Variants in KIAA1217 observed in about 807,000 individuals in gnomAD.
KIAA1217 encodes KIAA1217, also known as sickle tail protein homolog.
KIAA1217 carries 88 observed loss-of-function variants against 163.9 expected under a neutral mutation model. The observed-to-expected ratio is 0.54, with a 90% CI of 0.45 to 0.64. The LOEUF (loss-of-function observed/expected upper bound fraction) is 0.64, where lower values mean the gene tolerates loss of function less well. Among genes scored for constraint, KIAA1217 ranks in the 30% least tolerant of loss-of-function variants. KIAA1217 has a pLI of 0.00. For missense variants in KIAA1217, 2,372 were observed against 2,475.0 expected (o/e 0.96, Z 0.88); for synonymous variants, 903 against 923.1 (o/e 0.98, Z 0.39).
chr10:24,076,669 G>C (rs1217736035), intron 2 of KIAA1217, among the ~76,000 whole-genome samples: 1 of 152,054 alleles, frequency 6.6e-6, no homozygotes, highest in Non-Finnish European at 1.5e-5. Context: ...CCCACAGTCA[G>C]GATTCTCTGT....
In KIAA1217 at chr10:24,066,519, G is replaced by A. The variant is rs1473559661; in HGVS notation, c.-171+59145G>A. On this transcript the variant is annotated intron_variant, in intron 2 of 18. Coordinates refer to the KIAA1217 transcript ENST00000376462. ...GTTTCTGCCGAGAGATTATCTGTTA[G>A]TCTGATGGGTTTCCCTTTGTGGGTG... is the stretch of plus-strand genomic sequence containing the variant. Among the ~76,000 whole-genome samples, 3 of 152,308 alleles carry A rather than the reference G, an allele frequency of 2.0e-5. No homozygotes were observed. The South Asian group carries it at 6.2e-4, about 32-fold the overall frequency.
At chr10:23,759,221 T>G (rs1455748793) in intron 1 of KIAA1217, among the ~76,000 whole-genome samples, 2 of 152,186 alleles carry the variant, frequency 1.3e-5, no homozygotes, top group African/African-American at 2.4e-5. Context: ...AGATTGTTAA[T>G]TTTTAGTATA....
At chr10:24,201,983 C>T (rs111573396) in intron 2 of KIAA1217, among the ~76,000 whole-genome samples, 57 of 152,258 alleles carry the variant, frequency 3.7e-4, no homozygotes, top group African/African-American at 1.3e-3. Flanking sequence ...CTGAGACCCC[C>T]GAGGGAGTGC....
At chr10:24,108,118 C>G (rs1008014545) in intron 2 of KIAA1217, among the ~76,000 whole-genome samples, 34 of 152,238 alleles carry the variant, frequency 2.2e-4, no homozygotes, top group African/African-American at 7.9e-4. Context: ...TTAGATTTGA[C>G]TTCTCATCCT....
chr10:24,163,939 C>G (rs1473919635), intron 2 of KIAA1217, among the ~76,000 whole-genome samples: 8 of 152,212 alleles, frequency 5.3e-5, no homozygotes, highest in Non-Finnish European at 7.3e-5. Flanking sequence ...GGAAGGATCA[C>G]TCACTATGTT....
Position 24,545,982 on chromosome 10 carries a change from T to C in KIAA1217, c.5490T>C (p.Ala1830=). 5 of 1,614,150 alleles carry C rather than the reference T, an allele frequency of 3.1e-6. No homozygotes were observed. The highest frequency in any genetic ancestry group is 4.2e-6 in the Non-Finnish European group (5 of 1,180,020). Residue 1830 remains alanine, a synonymous_variant, in exon 21 of 21, where the codon GCT becomes GCC. Coordinates refer to ENST00000376454, the MANE Select transcript of KIAA1217 (RefSeq NM_019590.5). ...GCTCTAACCTCCCTAATCCACCTGC[T>C]ACTAAACCATCGATTGCTTCTAACC... The part of the protein sequence containing the change: ...GDSSNLPNPP[A]TKPSIASNPL...
At position 23,808,462 on chromosome 10, in the gene KIAA1217, C is replaced by T. The variant is rs573079319; in HGVS notation, c.-321+113228C>T. ...TTGTTGTATAACATGTTTTTATAAG[C>T]GTATTTTTCAAGTGCTCTTATAAAA... On this transcript the variant is annotated intron_variant, in intron 1 of 18. Transcript: ENST00000376462. Among the ~76,000 whole-genome samples the T allele has an allele frequency of 7.2e-5, 11 of 152,114 alleles. No individual in the cohort carries two copies. The East Asian group carries it at 7.7e-4, about 11-fold the overall frequency.
chr10:24,147,841 A>AG (rs1177340360), intron 2 of KIAA1217, among the ~76,000 whole-genome samples: 1 of 138,414 alleles, frequency 7.2e-6, no homozygotes, highest in African/African-American at 2.6e-5. Flanking sequence ...TCAAAAAAAA[A>AG]AAAAAAAAAA....
intron 5 of KIAA1217, among the ~76,000 whole-genome samples, chr10:24,462,524 G>C (rs982921448): frequency 6.6e-6 from 1 of 152,182 alleles, no homozygotes; most frequent in Non-Finnish European, 1.5e-5. Context: ...GAGGAAGCTG[G>C]GGTTCTTGCT....
At chr10:23,790,096 C>T (rs1357061892) in intron 1 of KIAA1217, among the ~76,000 whole-genome samples, 1 of 93,106 alleles carries the variant, frequency 1.1e-5, no homozygotes, top group Non-Finnish European at 2.0e-5. Flanking sequence ...TATGCATATA[C>T]ACATATACAC....
At chr10:24,118,688 A>G (rs923624297) in intron 2 of KIAA1217, among the ~76,000 whole-genome samples, 3 of 150,504 alleles carry the variant, frequency 2.0e-5, no homozygotes, top group African/African-American at 7.3e-5. Flanking sequence ...TTCTTTTGTT[A>G]CTTACATCCT....
chr10:23,913,420 A>G (rs949524746), intron 1 of KIAA1217, among the ~76,000 whole-genome samples: 36 of 152,204 alleles, frequency 2.4e-4, no homozygotes, highest in African/African-American at 7.0e-4. Flanking sequence ...TGTTCCAAAA[A>G]AAAAAAAGTA....
chr10:23,871,334 G>A (rs1197661977), intron 1 of KIAA1217, among the ~76,000 whole-genome samples: 1 of 151,962 alleles, frequency 6.6e-6, no homozygotes, highest in East Asian at 1.9e-4. Flanking sequence ...CTATTTTTAG[G>A]TACTGACCAC....
At chr10:24,393,867 G>A (rs562918593) in intron 3 of KIAA1217, among the ~76,000 whole-genome samples, 11 of 152,138 alleles carry the variant, frequency 7.2e-5, no homozygotes, top group East Asian at 1.9e-4. Flanking sequence ...ACAGCCCCAC[G>A]TACTTAATTG....
intron 2 of KIAA1217, among the ~76,000 whole-genome samples, chr10:24,244,561 C>CTT (rs11318420): frequency 1.0e-3 from 87 of 85,244 alleles, no homozygotes; most frequent in East Asian, 2.9e-3. Flanking sequence ...TTCTTTCTTT[C>CTT]TTTTTTTTTT....
rs115497508 is a variant in KIAA1217, at chr10:24,380,415, C to T, written c.355-454C>T. Among the ~76,000 whole-genome samples, 1,235 of 152,140 alleles carry T rather than the reference C, an allele frequency of 8.1e-3. 16 individuals carry two copies. Among genetic ancestry groups the T allele is most frequent in the African/African-American group, 0.029 (1,195 of 41,490 alleles). On this transcript the variant is annotated intron_variant, in intron 2 of 20. Coordinates refer to ENST00000376454, the MANE Select transcript of KIAA1217 (RefSeq NM_019590.5). ...CCGAGGCAGGCGGATCACCTGAGGT[C>T]AGGAGTTCAAGAGTACTCAAAGTAC... is the stretch of plus-strand genomic sequence containing the variant.
chr10:24,000,565 T>C (rs899082001), intron 1 of KIAA1217, among the ~76,000 whole-genome samples: 5 of 152,228 alleles, frequency 3.3e-5, no homozygotes, highest in Admixed American at 6.5e-5. Context: ...AACAGACTAA[T>C]GCAATTAACA....
intron 2 of KIAA1217, among the ~76,000 whole-genome samples, chr10:24,339,692 G>C (rs1325372500): frequency 6.6e-6 from 1 of 152,224 alleles, no homozygotes; most frequent in Non-Finnish European, 1.5e-5. Context: ...GCAGAGGTTG[G>C]TTAACTCAAT....
chr10:23,748,131 A>G (rs1456422832), intron 1 of KIAA1217, among the ~76,000 whole-genome samples: 1 of 152,022 alleles, frequency 6.6e-6, no homozygotes, highest in African/African-American at 2.4e-5. Flanking sequence ...CTGCAGCCCA[A>G]CCTGCTCTGT....
Sources: gnomAD v4.1 joint callset for allele counts (sites outside exome capture counted in the v4.1 genomes callset) on GRCh38, gnomAD v4.1.1 for gene constraint, MANE v1.5 for transcripts, NCBI Gene and HGNC (gene_info 2026-07-23, HGNC 2026-07-21) for gene names.